The following NXPH1 variants were observed in gnomAD, a reference collection of about 807,000 sequenced individuals.
NXPH1 encodes neurexophilin 1, also known as neurexophilin-1.
In NXPH1, 5 loss-of-function variants were observed where a neutral mutation model predicts 23.7. The observed-to-expected ratio is 0.21, with a 90% CI of 0.11 to 0.44. The LOEUF is 0.44. Ranked by LOEUF, NXPH1 falls within the 20% of genes least tolerant of loss-of-function variation. The probability of loss-of-function intolerance (pLI) is 0.99; values close to 1 mark genes in which losing one functional copy is unlikely to be tolerated. For synonymous variants in NXPH1, 144 were observed against 122.2 expected, an observed-to-expected ratio of 1.18 and a Z score of -1.18; for missense variants, 324 against 321.6, an observed-to-expected ratio of 1.01 and a Z score of -0.06.
In NXPH1 at chr7:8,531,313, G is replaced by C. The variant is rs115297725; in HGVS notation, c.54+95546G>C. Among the ~76,000 whole-genome samples the C allele has an allele frequency of 1.6e-3, 248 of 152,316 alleles. 1 individual carries two copies. The highest frequency in any genetic ancestry group is 5.7e-3 in the African/African-American group (236 of 41,584). On this transcript the variant is annotated intron_variant, in intron 2 of 2. Transcript: ENST00000405863. ...ATGAACAAAAAAAGGGTATAGTGAA[G>C]TTCAAAGTAACTTAGTGTGATGTAC...
chr7:8,614,897 A>G (rs1439020417), intron 2 of NXPH1, among the ~76,000 whole-genome samples: 3 of 152,060 alleles, frequency 2.0e-5, no homozygotes, highest in Admixed American at 6.6e-5. Context: ...TCAAAGTAAC[A>G]CTAAATTATA....
intron 2 of NXPH1, among the ~76,000 whole-genome samples, chr7:8,678,958 T>G (rs1395954514): frequency 1.1e-4 from 9 of 81,994 alleles, no homozygotes; most frequent in African/African-American, 3.9e-4. Flanking sequence ...TTTTTTTTTT[T>G]TTTTTGTTGA....
intron 2 of NXPH1, among the ~76,000 whole-genome samples, chr7:8,728,120 C>T (rs2115213272): frequency 6.6e-6 from 1 of 151,716 alleles, no homozygotes; most frequent in South Asian, 2.1e-4. Context: ...GGAGTTCACT[C>T]ATGATTTGGC....
chr7:8,687,311 A>G (rs1326073755), intron 2 of NXPH1, among the ~76,000 whole-genome samples: 2 of 152,120 alleles, frequency 1.3e-5, no homozygotes, highest in African/African-American at 4.8e-5. Flanking sequence ...GGGGACTCCA[A>G]GAAGGAGGAG....
intron 2 of NXPH1, among the ~76,000 whole-genome samples, chr7:8,597,999 G>A (rs1187246038): frequency 6.6e-6 from 1 of 152,108 alleles, no homozygotes; most frequent in East Asian, 1.9e-4. Context: ...AAAACCTCCA[G>A]CTCTGCTATA....
At chr7:8,483,716 C>G (rs1817111801) in intron 2 of NXPH1, among the ~76,000 whole-genome samples, 1 of 152,148 alleles carries the variant, frequency 6.6e-6, no homozygotes, top group Non-Finnish European at 1.5e-5. Flanking sequence ...CCTGTTTGAC[C>G]TCTTCTGAAA....
chr7:8,579,061 C>G (rs546812400), intron 2 of NXPH1, among the ~76,000 whole-genome samples: 1 of 152,316 alleles, frequency 6.6e-6, no homozygotes, highest in African/African-American at 2.4e-5. Context: ...CCTTAGACCA[C>G]TCAGTACCAC....
At chr7:8,735,986 C>T (rs745750440) in intron 2 of NXPH1, among the ~76,000 whole-genome samples, 1 of 152,048 alleles carries the variant, frequency 6.6e-6, no homozygotes, top group South Asian at 2.1e-4. Context: ...GTGATATCCC[C>T]TTTATCATTT....
chr7:8,612,495 T>G (rs1219464542), intron 2 of NXPH1, among the ~76,000 whole-genome samples: 1 of 152,042 alleles, frequency 6.6e-6, no homozygotes, highest in Non-Finnish European at 1.5e-5. Context: ...ACATTAAATG[T>G]ATATAAATAC....
At chr7:8,512,518 G>A (rs1817628303) in intron 2 of NXPH1, among the ~76,000 whole-genome samples, 1 of 151,984 alleles carries the variant, frequency 6.6e-6, no homozygotes, top group Non-Finnish European at 1.5e-5. Context: ...TATTTGAGAG[G>A]GTGATTATGA....
In NXPH1 at chr7:8,701,986, A is replaced by G. The variant is rs540444872; in HGVS notation, c.55-49022A>G. ...CAAATTTATTGAATAAAATGTACCA[A>G]TTTATCTGTTAACTATTTGCTTCCC... On this transcript the variant is annotated intron_variant, in intron 2 of 2. Transcript: ENST00000405863. Among the ~76,000 whole-genome samples the G allele has an allele frequency of 2.6e-5, 4 of 151,724 alleles. No individual in the cohort carries two copies. In the South Asian group the frequency reaches 8.3e-4, roughly 32 times the overall value.
intron 2 of NXPH1, among the ~76,000 whole-genome samples, chr7:8,509,038 C>A (rs56816324): frequency 0.032 from 4,898 of 152,040 alleles, 258 homozygotes; most frequent in East Asian, 0.22. Context: ...TTTAGATGAC[C>A]AAATTTGTCT....
intron 2 of NXPH1, among the ~76,000 whole-genome samples, chr7:8,502,763 A>G (rs919498890): frequency 6.6e-6 from 1 of 151,468 alleles, no homozygotes; most frequent in Non-Finnish European, 1.5e-5. Context: ...TAGATGGTAG[A>G]GGAGACATCA....
chr7:8,484,201 A>G (rs1817121354), intron 2 of NXPH1, among the ~76,000 whole-genome samples: 1 of 152,096 alleles, frequency 6.6e-6, no homozygotes. Flanking sequence ...AAAATCTCAC[A>G]TAGTCATAGT....
intron 2 of NXPH1, among the ~76,000 whole-genome samples, chr7:8,478,359 G>A (rs1455270047): frequency 6.6e-6 from 1 of 151,984 alleles, no homozygotes; most frequent in Non-Finnish European, 1.5e-5. Context: ...CCAGCAATGA[G>A]GGGGTGTAAC....
chr7:8,739,170 G>GGAA (rs200123331), intron 2 of NXPH1, among the ~76,000 whole-genome samples: 6 of 55,580 alleles, frequency 1.1e-4, no homozygotes, highest in South Asian at 7.5e-4. Context: ...CACCAGTGGG[G>GGAA]TAAAAAAAAA....
intron 2 of NXPH1, among the ~76,000 whole-genome samples, chr7:8,456,976 A>G (rs1434217013): frequency 1.3e-5 from 2 of 152,196 alleles, no homozygotes; most frequent in East Asian, 1.9e-4. Flanking sequence ...ATGGTGGCAC[A>G]ATATCTTCTA....
chr7:8,455,283 G>C (rs1816575818), intron 2 of NXPH1, among the ~76,000 whole-genome samples: 1 of 152,184 alleles, frequency 6.6e-6, no homozygotes, highest in African/African-American at 2.4e-5. Flanking sequence ...TTAAATTAAA[G>C]AGCAACTTGT....
At chr7:8,660,580 T>C (rs900993073) in intron 2 of NXPH1, among the ~76,000 whole-genome samples, 5 of 152,206 alleles carry the variant, frequency 3.3e-5, no homozygotes, top group Non-Finnish European at 7.3e-5. Flanking sequence ...TTTTTTGGCA[T>C]CTGAGGACAG....
Sources: gnomAD v4.1 joint callset for allele counts (sites outside exome capture counted in the v4.1 genomes callset) on GRCh38, gnomAD v4.1.1 for gene constraint, MANE v1.5 for transcripts, NCBI Gene and HGNC (gene_info 2026-07-23, HGNC 2026-07-21) for gene names.